Variants in ANO1 observed in about 807,000 individuals in gnomAD.
ANO1 encodes anoctamin-1.
Under a neutral mutation model 124.0 loss-of-function variants are expected in ANO1, and 59 were observed. That is an observed-to-expected ratio of 0.48 (90% confidence interval 0.39 to 0.59). The LOEUF (loss-of-function observed/expected upper bound fraction) is 0.59. Ranked by LOEUF, ANO1 falls within the 20% of genes least tolerant of loss-of-function variation. The pLI, the probability that ANO1 is intolerant of heterozygous loss-of-function variation, is 0.00. For missense variants in ANO1, 1,059 were observed against 1,328.0 expected (o/e 0.80, Z 3.15); for synonymous variants, 529 against 532.0 (o/e 0.99, Z 0.08).
intron 25 of ANO1, among the ~76,000 whole-genome samples, chr11:70,187,135 G>T (rs903572769): frequency 6.6e-6 from 1 of 152,220 alleles, no homozygotes; most frequent in Admixed American, 6.5e-5. Context: ...CCCAGCTGGG[G>T]ACTGGGAGCA....
chr11:70,061,170 T>C (rs543072234), intron 1 of ANO1, among the ~76,000 whole-genome samples: 1 of 151,658 alleles, frequency 6.6e-6, no homozygotes, highest in South Asian at 2.1e-4. Context: ...GGGGAAGAAA[T>C]CTGTGCCTTG....
At chr11:70,186,215 A>C (rs1255576127) in intron 25 of ANO1, among the ~76,000 whole-genome samples, 1 of 152,078 alleles carries the variant, frequency 6.6e-6, no homozygotes, top group East Asian at 1.9e-4. Flanking sequence ...TGAACCCAGG[A>C]GGCAGAGGTT....
At chr11:69,970,425 G>A in the ANO1 span, among the ~76,000 whole-genome samples, 2 of 152,174 alleles carry the variant, frequency 1.3e-5, no homozygotes, top group African/African-American at 2.4e-5. Flanking sequence ...CAGCCCCATC[G>A]ATCAGTCCTC....
intron 1 of ANO1, among the ~76,000 whole-genome samples, chr11:70,016,267 C>T (rs575285785): frequency 6.6e-6 from 1 of 152,254 alleles, no homozygotes; most frequent in Non-Finnish European, 1.5e-5. Context: ...ACCTCATGGT[C>T]CACCCACCTC....
At chr11:70,178,783 C>T (rs2048826188) in intron 22 of ANO1, among the ~76,000 whole-genome samples, 2 of 152,342 alleles carry the variant, frequency 1.3e-5, no homozygotes, top group South Asian at 2.1e-4. Flanking sequence ...AGGCTGCTCT[C>T]GAACTCCTGG....
chr11:70,041,697 G>T (rs1446762514), intron 1 of ANO1, among the ~76,000 whole-genome samples: 1 of 151,746 alleles, frequency 6.6e-6, no homozygotes, highest in Non-Finnish European at 1.5e-5. Context: ...ACAAACCCTG[G>T]TGGGAAGGAG....
chr11:70,167,178 G>T, intron 20 of ANO1, 64 bp from the exon 21 acceptor site: 1 of 1,582,458 alleles, frequency 6.3e-7, no homozygotes, highest in Non-Finnish European at 8.6e-7. Context: ...CACTAGAGGT[G>T]CCAGACCCAA....
chr11:70,132,398 C>A (rs770265684), intron 11 of ANO1, among the ~76,000 whole-genome samples: 3 of 152,238 alleles, frequency 2.0e-5, no homozygotes, highest in Middle Eastern at 3.4e-3. Context: ...CAGGGAGGCC[C>A]GAGGGTCCTG....
At chr11:69,977,366 T>A in the ANO1 span, among the ~76,000 whole-genome samples, 2 of 152,334 alleles carry the variant, frequency 1.3e-5, no homozygotes, top group Middle Eastern at 3.4e-3. Flanking sequence ...TGGTCACGAA[T>A]GGACAAGTCC....
At chr11:70,077,665 C>T (rs895866601), upstream of ANO1, among the ~76,000 whole-genome samples, 1 of 152,200 alleles carries the variant, frequency 6.6e-6, no homozygotes, top group Non-Finnish European at 1.5e-5. Flanking sequence ...TCAGAGGATG[C>T]GGACTGGTCC....
At chr11:70,161,870 G>A (rs1043029077) in intron 18 of ANO1, 137 bp downstream of exon 18, 29 of 801,106 alleles carry the variant, frequency 3.6e-5, no homozygotes, top group Non-Finnish European at 5.9e-5. Flanking sequence ...GAGGGTCAGG[G>A]AGAAGGCCTG....
At chr11:70,095,320 G>GAA (rs2044844923) in intron 2 of ANO1, among the ~76,000 whole-genome samples, 2 of 113,002 alleles carry the variant, frequency 1.8e-5, no homozygotes, top group African/African-American at 7.4e-5. Context: ...AAGAAAGAAA[G>GAA]GAAAGAAAGA....
upstream of ANO1, among the ~76,000 whole-genome samples, chr11:70,077,632 C>A (rs866863097): frequency 1.5e-4 from 23 of 152,316 alleles, no homozygotes; most frequent in African/African-American, 4.8e-4. Context: ...GTGGGGAAAG[C>A]TCTGCAGGAG....
chr11:70,090,440 C>T (rs2044584029), intron 2 of ANO1, among the ~76,000 whole-genome samples: 1 of 152,186 alleles, frequency 6.6e-6, no homozygotes. Flanking sequence ...TCCACTTATC[C>T]TGATGGAAAA....
chr11:70,085,607 G>A, intron 1 of ANO1: 1 of 1,535,356 alleles, frequency 6.5e-7, no homozygotes, highest in Non-Finnish European at 8.7e-7. Context: ...CAGGGACATG[G>A]CCCCAACTGT....
At chr11:70,026,721 G>T (rs75647742) in intron 1 of ANO1, among the ~76,000 whole-genome samples, 4 of 152,116 alleles carry the variant, frequency 2.6e-5, no homozygotes, top group Non-Finnish European at 5.9e-5. Flanking sequence ...TCAGAGTTCT[G>T]TTCCAGGCTT....
intron 11 of ANO1, among the ~76,000 whole-genome samples, chr11:70,140,436 C>A (rs1053206001): frequency 6.6e-6 from 1 of 151,806 alleles, no homozygotes; most frequent in Admixed American, 6.6e-5. Flanking sequence ...GAGGCTGAGG[C>A]AGGATAATCG....
intron 1 of ANO1, among the ~76,000 whole-genome samples, chr11:69,999,417 G>A (rs112192769): frequency 0.036 from 5,505 of 152,234 alleles, 123 homozygotes; most frequent in Middle Eastern, 0.092. Context: ...CAGTGGGGAC[G>A]ACATTTCGAT....
rs368395054 is a variant in ANO1, at chr11:70,132,054, C to G, written c.1233C>G (p.Phe411Leu). 6.3e-7 allele frequency: 1 copy of G among 1,599,414 alleles called. No individual in the cohort carries two copies. Among genetic ancestry groups the G allele is most frequent in the African/African-American group, 1.3e-5 (1 of 74,840 alleles). ...TCTTCGACAACCCCGCCACGGTCTT[C>G]TTCTCTGTCTTCATGGCCCTCTGGG... ...SHLFDNPATV[F>L]FSVFMALWAA... Residue 411 changes from phenylalanine to leucine, a missense_variant, in exon 11 of 26, where the codon TTC becomes TTG. By Grantham distance (22) the Phe-to-Leu change is conservative. Coordinates refer to ENST00000355303, the MANE Select transcript of ANO1 (RefSeq NM_018043.7).
Sources: gnomAD v4.1 joint callset for allele counts (sites outside exome capture counted in the v4.1 genomes callset) on GRCh38, gnomAD v4.1.1 for gene constraint, MANE v1.5 for transcripts, NCBI Gene and HGNC (gene_info 2026-07-23, HGNC 2026-07-21) for gene names.